FBXO36: variants seen among roughly 807,000 people sequenced by gnomAD.
FBXO36 encodes the protein F-box only protein 36.
A neutral mutation model predicts 17.0 loss-of-function variants in FBXO36; 18 were observed. The observed-to-expected ratio is 1.06, with a 90% CI of 0.73 to 1.57. The LOEUF is 1.57. Ranked by LOEUF, FBXO36 falls within the 40% of genes most tolerant of loss-of-function variation. The pLI is 0.00. For missense variants in FBXO36, 229 were observed against 221.9 expected, an observed-to-expected ratio of 1.03 and a Z score of -0.20; for synonymous variants, 83 against 85.3, an observed-to-expected ratio of 0.97 and a Z score of 0.15.
At chr2:229,928,157 A>C (rs544718116) in intron 1 of FBXO36, among the ~76,000 whole-genome samples, 48 of 152,340 alleles carry the variant, frequency 3.2e-4, no homozygotes, top group Non-Finnish European at 6.3e-4. Flanking sequence ...TTTTTCCATG[A>C]GAGGAAATGT....
At chr2:229,999,197 G>A (rs1256893342) in intron 3 of FBXO36, among the ~76,000 whole-genome samples, 5 of 142,608 alleles carry the variant, frequency 3.5e-5, no homozygotes, top group Non-Finnish European at 4.5e-5. Flanking sequence ...CATGATCTCC[G>A]CTGACTGCAA....
chr2:229,976,119 A>G lies in FBXO36; in HGVS notation c.97-122A>G, dbSNP rs892271958. ...TAATTCTAATTTGATGTGATGCCAG[A>G]CTGCAAAGTTATAGCTAATGTTGGA... On this transcript the variant is annotated intron_variant, in intron 1 of 3. Transcript: ENST00000283946. 9 of 616,992 alleles carry G rather than the reference A, an allele frequency of 1.5e-5. No individual in the cohort carries two copies. The African/African-American group carries it at 1.7e-4, about 11-fold the overall frequency. 38.2% of individuals were successfully genotyped at this position (616,992 alleles called of 1,614,324 possible). A position where few individuals can be genotyped will look rare whatever the true frequency, so the allele number is the denominator to read the frequency against.
intron 1 of FBXO36, among the ~76,000 whole-genome samples, chr2:229,947,502 G>C (rs1323148664): frequency 6.6e-6 from 1 of 152,180 alleles, no homozygotes; most frequent in Non-Finnish European, 1.5e-5. Flanking sequence ...TTGGGCCATG[G>C]GGAAGAAAAA....
chr2:229,955,146 C>T (rs960308560), intron 1 of FBXO36, among the ~76,000 whole-genome samples: 52 of 152,188 alleles, frequency 3.4e-4, no homozygotes, highest in African/African-American at 1.2e-3. Flanking sequence ...GCCACCGCGC[C>T]CAGCCCGATC....
intron 1 of FBXO36, among the ~76,000 whole-genome samples, chr2:229,967,321 A>C (rs1036928257): frequency 2.0e-5 from 3 of 152,220 alleles, no homozygotes; most frequent in Non-Finnish European, 4.4e-5. Flanking sequence ...TGTCGTCTGC[A>C]AACAGGGACA....
intron 1 of FBXO36, among the ~76,000 whole-genome samples, chr2:229,974,912 T>G (rs2106193574): frequency 6.6e-6 from 1 of 152,306 alleles, no homozygotes; most frequent in South Asian, 2.1e-4. Context: ...CCAGTGTGAC[T>G]GTATTTCCCA....
chr2:229,970,619 T>C (rs1260583027), intron 1 of FBXO36, among the ~76,000 whole-genome samples: 2 of 152,170 alleles, frequency 1.3e-5, no homozygotes, highest in African/African-American at 2.4e-5. Flanking sequence ...TTATCACCAA[T>C]GTTCTTGATG....
chr2:229,932,552 C>T (rs1370018792), intron 1 of FBXO36, among the ~76,000 whole-genome samples: 1 of 151,974 alleles, frequency 6.6e-6, no homozygotes, highest in Non-Finnish European at 1.5e-5. Context: ...TGGTGGCGCA[C>T]TTGTAATCCC....
At chr2:229,999,378 C>T (rs1404151540) in intron 3 of FBXO36, among the ~76,000 whole-genome samples, 4 of 151,322 alleles carry the variant, frequency 2.6e-5, no homozygotes, top group African/African-American at 4.8e-5. Context: ...CCACCCACCT[C>T]GGCCTCCCAA....
intron 1 of FBXO36, among the ~76,000 whole-genome samples, chr2:229,954,971 T>G (rs912589397): frequency 8.6e-5 from 13 of 151,750 alleles, no homozygotes; most frequent in African/African-American, 3.1e-4. Flanking sequence ...TGCCTCAGCC[T>G]CCCAAGTAGC....
At chr2:230,003,306 AAGTC>A (rs2077370161) in intron 3 of FBXO36, among the ~76,000 whole-genome samples, 1 of 152,090 alleles carries the variant, frequency 6.6e-6, no homozygotes, top group Non-Finnish European at 1.5e-5. Context: ...CAAAATGTGA[AAGTC>A]AGCAGCAACC....
chr2:229,958,216 A>ATT (rs35419532), intron 1 of FBXO36, among the ~76,000 whole-genome samples: 51 of 136,060 alleles, frequency 3.7e-4, no homozygotes, highest in East Asian at 8.4e-4. Context: ...GACCTTTACA[A>ATT]TTTTTTTTTG....
chr2:229,996,708 T>C (rs963447944), intron 2 of FBXO36, 43 bp from the exon 3 acceptor site: 4 of 1,542,684 alleles, frequency 2.6e-6, no homozygotes, highest in Non-Finnish European at 3.5e-6. Context: ...ATAATTTTTA[T>C]GTGACTGTAT....
intron 2 of FBXO36, among the ~76,000 whole-genome samples, chr2:229,981,368 C>T (rs1353198909): frequency 6.6e-6 from 1 of 152,074 alleles, no homozygotes; most frequent in Non-Finnish European, 1.5e-5. Context: ...AGACAAAATA[C>T]CTGATATATG....
At position 230,011,851 on chromosome 2, in the gene FBXO36, A is replaced by C. The variant is rs2077417812; in HGVS notation, c.*967A>C. ...AAGAAAACAGACTATGAGTTAACTA[A>C]GTAAAAATGTAAATATGGTTTGCAT... On this transcript the variant is annotated 3_prime_UTR_variant, in exon 4 of 4. Transcript: ENST00000283946. 6.6e-6 allele frequency: 1 copy of C among 152,102 alleles called. No homozygotes were observed. Among genetic ancestry groups the C allele is most frequent in the Non-Finnish European group, 1.5e-5 (1 of 67,994 alleles). The allele number at this position is 152,102 out of a possible 1,614,324, so 9.4% of individuals were successfully genotyped here.
Position 230,012,481 on chromosome 2 carries a change from C to T in FBXO36, c.*1597C>T, listed in dbSNP as rs1201858563. ...GCTTCCCAGCAGATGAGGAGCCTGA[C>T]GTGGTTATGTCTGGATTTAGTCCAA... On this transcript the variant is annotated 3_prime_UTR_variant, in exon 4 of 4. Transcript: ENST00000283946. 3.4e-5 allele frequency: 5 copies of T among 147,048 alleles called. No homozygotes were observed. The highest frequency in any genetic ancestry group is 2.4e-5 in the African/African-American group (1 of 41,046). 9.1% of individuals were successfully genotyped at this position (147,048 alleles called of 1,614,324 possible).
At chr2:229,971,245 C>A (rs2077178518) in intron 1 of FBXO36, among the ~76,000 whole-genome samples, 1 of 151,770 alleles carries the variant, frequency 6.6e-6, no homozygotes, top group African/African-American at 2.4e-5. Flanking sequence ...ATCCCAGCTA[C>A]TCAGGAGGCT....
intron 1 of FBXO36, among the ~76,000 whole-genome samples, chr2:229,924,813 G>T (rs547593840): frequency 6.6e-6 from 1 of 151,694 alleles, no homozygotes; most frequent in Middle Eastern, 3.4e-3. Context: ...CTGTCGCCCA[G>T]GCTGGAGTGC....
chr2:230,000,949 G>A (rs2077355447), intron 3 of FBXO36, among the ~76,000 whole-genome samples: 1 of 151,092 alleles, frequency 6.6e-6, no homozygotes, highest in Non-Finnish European at 1.5e-5. Flanking sequence ...CCACCTCCTG[G>A]GTTCAAGGGA....
Sources: allele counts gnomAD v4.1 joint callset (sites outside exome capture counted in the v4.1 genomes callset), GRCh38; gene constraint gnomAD v4.1.1; transcripts MANE v1.5; gene names NCBI Gene and HGNC (gene_info 2026-07-23, HGNC 2026-07-21).